ANKRD11: variants seen among roughly 807,000 people sequenced by gnomAD.
ANKRD11 encodes the protein ankyrin repeat domain-containing protein 11.
In ANKRD11, 17 loss-of-function variants were observed where a neutral mutation model predicts 195.7. The observed-to-expected ratio is 0.09, with a 90% CI of 0.06 to 0.13. The LOEUF (loss-of-function observed/expected upper bound fraction) is 0.13, where lower values mean the gene tolerates loss of function less well. Among genes scored for constraint, ANKRD11 ranks in the 10% least tolerant of loss-of-function variants. ANKRD11 has a pLI of 1.00. For synonymous variants in ANKRD11, 1,953 were observed against 1,528.1 expected (o/e 1.28, Z -6.49); for missense variants, 3,735 against 3,566.1 (o/e 1.05, Z -1.21).
intron 2 of ANKRD11, among the ~76,000 whole-genome samples, chr16:89,393,691 G>A (rs1262043725): frequency 6.6e-6 from 1 of 151,920 alleles, no homozygotes; most frequent in South Asian, 2.1e-4. Context: ...GGATTTGTAA[G>A]GGTTAGAAGG....
In ANKRD11 at chr16:89,447,642, A is replaced by G. The variant is rs143075196; in HGVS notation, c.-144-29274T>C. Among the ~76,000 whole-genome samples, 670 of 152,198 alleles carry G rather than the reference A, an allele frequency of 4.4e-3. 10 individuals are homozygous for G. The highest frequency in any genetic ancestry group is 0.015 in the African/African-American group (638 of 41,520). On this transcript the variant is annotated intron_variant, in intron 1 of 12. Transcript: ENST00000301030. ...CCACCTGTTCTCACTCCTCCTACACAGCCACCTTTGGCCCTAAGAACACTG... is the reference window on the plus strand; with the variant it reads ...CCACCTGTTCTCACTCCTCCTACACGGCCACCTTTGGCCCTAAGAACACTG...
In ANKRD11 at chr16:89,291,268, G is replaced by GC; in HGVS notation, c.227-86dup. ...CTAGGTCCTTACCTAATGTTACGGA[G>GC]CCCCCTGCGTCCACCTGACAGCTGA... On this transcript the variant is annotated intron_variant, in intron 4 of 12. Coordinates refer to ENST00000301030, the MANE Select transcript of ANKRD11 (RefSeq NM_013275.6). The surrounding 1 kb of genome is among the most constrained non-coding windows in gnomAD (Gnocchi z 5.3). 6.6e-7 allele frequency: 1 copy of GC among 1,523,614 alleles called. No homozygotes were observed. Among genetic ancestry groups the GC allele is most frequent in the Non-Finnish European group, 9.0e-7 (1 of 1,117,024 alleles). 94.4% of individuals were successfully genotyped at this position (1,523,614 alleles called of 1,614,324 possible).
chr16:89,356,725 G>A (rs1219235139), intron 2 of ANKRD11, among the ~76,000 whole-genome samples: 2 of 141,890 alleles, frequency 1.4e-5, no homozygotes, highest in African/African-American at 2.7e-5. Flanking sequence ...AGCTTGCAGT[G>A]AGCCAAGATC....
At chr16:89,273,959 C>T (rs1323121151) in intron 11 of ANKRD11, among the ~76,000 whole-genome samples, 3 of 152,170 alleles carry the variant, frequency 2.0e-5, no homozygotes, top group Non-Finnish European at 2.9e-5. Context: ...AGGCACGTCC[C>T]ACTGCACAGG....
Position 89,290,816 on chromosome 16 carries a change from G to A in ANKRD11, c.410C>T (p.Pro137Leu), listed in dbSNP as rs770324991. Residue 137 changes from proline (P) to leucine (L), a missense_variant, in exon 6 of 13, where the codon CCA becomes CTA. Pro to Leu is a moderately conservative substitution (Grantham distance 98). Transcript: ENST00000301030. ...ESANSPVDTT[P>L]KHPSQSTVCQ... is the part of the protein sequence containing the mutation. The stretch of plus-strand genomic sequence containing the variant: ...CACTGTAGACTGGGAGGGGTGCTTT[G>A]GTGTTGTGTCCACTGCAGGCCAAGG... 1 of 1,613,778 alleles carries A rather than the reference G, an allele frequency of 6.2e-7. No homozygotes were observed. Among genetic ancestry groups the A allele is most frequent in the Non-Finnish European group, 8.5e-7 (1 of 1,179,996 alleles).
rs1411109020 is a variant in ANKRD11 at position 89,284,118 on chromosome 16, A to G, written c.2424T>C (p.Tyr808=). Residue 808 remains tyrosine, a synonymous_variant, in exon 9 of 13, where the codon TAT becomes TAC. Coordinates refer to ENST00000301030, the MANE Select transcript of ANKRD11 (RefSeq NM_013275.6). Reference sequence around the variant, plus strand: ...ATTCGTCAAAAGCAGAATCTTCCCTATAAACCTTTTCTTTTTTGAGTTTTT... The same window carrying G: ...ATTCGTCAAAAGCAGAATCTTCCCTGTAAACCTTTTCTTTTTTGAGTTTTT... The part of the protein sequence containing the change: ...DKEKLKKEKV[Y]REDSAFDEYC... 3.1e-6 allele frequency: 5 copies of G among 1,611,090 alleles called. No individual in the cohort carries two copies. The highest frequency in any genetic ancestry group is 1.1e-5 in the South Asian group (1 of 89,864).
Position 89,305,214 on chromosome 16 carries a change from G to A in ANKRD11, c.218C>T (p.Ser73Leu), listed in dbSNP as rs773698267. 1.2e-5 allele frequency: 19 copies of A among 1,612,468 alleles called. No homozygotes were observed. The highest frequency in any genetic ancestry group is 2.2e-5 in the East Asian group (1 of 44,892). The change falls in exon 4 of 13, where the codon TCG (serine) becomes TTG (leucine). Residue 73 changes from serine to leucine, a missense_variant. Physicochemically the swap from Ser to Leu is moderately radical, Grantham distance 145. Coordinates refer to ENST00000301030, the MANE Select transcript of ANKRD11 (RefSeq NM_013275.6). ...TAGANGEQKDSDTEKQGPERK... is the reference protein window; with the variant it reads ...TAGANGEQKDLDTEKQGPERK... The stretch of plus-strand genomic sequence containing the variant: ...GGGCCGCGGGCTGGTACCTGTGTCC[G>A]AGTCCTTCTGCTCCCCATTGGCGCC...
chr16:89,410,876 G>A (rs903186608), intron 2 of ANKRD11, among the ~76,000 whole-genome samples: 1 of 152,116 alleles, frequency 6.6e-6, no homozygotes, highest in African/African-American at 2.4e-5. Flanking sequence ...CCACATGTGC[G>A]TGAACACGTG....
chr16:89,410,610 T>G (rs751367651), intron 2 of ANKRD11, among the ~76,000 whole-genome samples: 1 of 152,190 alleles, frequency 6.6e-6, no homozygotes, highest in Non-Finnish European at 1.5e-5. Flanking sequence ...CCTAAAGCAG[T>G]TGCTATCCTG....
chr16:89,316,925 A>C lies in ANKRD11; in HGVS notation c.87+8T>G, dbSNP rs760615661. The C allele has an allele frequency of 1.1e-5, 17 of 1,612,790 alleles. No individual in the cohort carries two copies. In the East Asian group the frequency reaches 3.6e-4, roughly 34 times the overall value. The stretch of plus-strand genomic sequence containing the variant: ...TGAGCATGCAGGGCTGGGAGGGGGC[A>C]GCATTACCTTTTTCCCAGTCTGCTT... On this transcript the variant is annotated splice_region_variant and intron_variant, in intron 3 of 12. Transcript: ENST00000301030.
chr16:89,469,109 T>A (rs1420688582), intron 1 of ANKRD11, among the ~76,000 whole-genome samples: 3 of 151,650 alleles, frequency 2.0e-5, no homozygotes, highest in Non-Finnish European at 4.4e-5. Context: ...GAAATAAGCC[T>A]GTGTCAGAGC....
rs2151736245 is a variant in ANKRD11 at position 89,280,100 on chromosome 16, C to A, written c.6442G>T (p.Ala2148Ser). The part of the protein sequence containing the change: ...LPELPLQTKD[A>S]ADGEAEPVEE... ...ACGGGTTCCGCTTCACCATCTGCGG[C>A]ATCTTTAGTCTGCAGGGGAAGCTCC... is the stretch of plus-strand genomic sequence containing the variant. The change falls in exon 9 of 13, where the codon GCC (alanine) becomes TCC (serine). Residue 2148 changes from alanine (A) to serine (S), a missense_variant. Ala to Ser is a moderately conservative substitution (Grantham distance 99). Transcript: ENST00000301030. The A allele has an allele frequency of 1.9e-6, 3 of 1,613,116 alleles. No homozygotes were observed. The East Asian group carries it at 6.7e-5, about 36-fold the overall frequency.
At position 89,281,393 on chromosome 16, in the gene ANKRD11, C is replaced by T. The variant is rs1376928647; in HGVS notation, c.5149G>A (p.Glu1717Lys). 1 of 1,609,152 alleles carries T rather than the reference C, an allele frequency of 6.2e-7. No homozygotes were observed. Among genetic ancestry groups the T allele is most frequent in the South Asian group, 1.1e-5 (1 of 90,900 alleles). Residue 1717 changes from glutamate (E) to lysine (K), a missense_variant, in exon 9 of 13, where the codon GAG (glutamate) becomes AAG (lysine). Coordinates refer to ENST00000301030, the MANE Select transcript of ANKRD11 (RefSeq NM_013275.6). The surrounding 1 kb of genome is among the most constrained non-coding windows in gnomAD (Gnocchi z 5.5). The stretch of plus-strand genomic sequence containing the variant: ...GGGGTCCTGGGCGTGTGCATCACCT[C>T]CTCGTAGCTGGGGCAGGATAGCACC... Reference protein sequence around the residue: ...TSVLSCPSYEEVMHTPRTPSC... With the variant: ...TSVLSCPSYEKVMHTPRTPSC...
intron 7 of ANKRD11, chr16:89,287,518 T>G: frequency 5.2e-6 from 1 of 193,566 alleles, no homozygotes; most frequent in Non-Finnish European, 1.1e-5. Flanking sequence ...CCCATCACCC[T>G]CCAGGGCCAT....
At chr16:89,286,593 C>G in intron 7 of ANKRD11, 1 of 1,111,976 alleles carries the variant, frequency 9.0e-7, no homozygotes, top group Non-Finnish European at 1.1e-6. Context: ...AGGGCTCAGG[C>G]AAGAGGTTAG....
At chr16:89,367,402 A>G (rs375346368) in intron 2 of ANKRD11, among the ~76,000 whole-genome samples, 5 of 152,130 alleles carry the variant, frequency 3.3e-5, no homozygotes, top group African/African-American at 9.7e-5. Context: ...GGGATGCTCA[A>G]CGCAACCTTA....
At chr16:89,486,984 G>A (rs1380095350) in intron 1 of ANKRD11, among the ~76,000 whole-genome samples, 1 of 150,842 alleles carries the variant, frequency 6.6e-6, no homozygotes, top group Non-Finnish European at 1.5e-5. Flanking sequence ...ACTCCAGCCT[G>A]GGCAACAAAG....
intron 12 of ANKRD11, chr16:89,270,423 G>C (rs773317598): frequency 5.6e-6 from 2 of 354,060 alleles, no homozygotes; most frequent in Non-Finnish European, 1.1e-5. Context: ...CGGGATAAGG[G>C]TGTGCTGCCC....
chr16:89,407,915 C>T (rs551484336), intron 2 of ANKRD11, among the ~76,000 whole-genome samples: 2 of 148,776 alleles, frequency 1.3e-5, no homozygotes, highest in African/African-American at 4.9e-5. Flanking sequence ...CATAGTAAAA[C>T]TCAGTCTTCC....
Sources: gnomAD v4.1 joint callset for allele counts (sites outside exome capture counted in the v4.1 genomes callset) on GRCh38, gnomAD v4.1.1 for gene constraint, Gnocchi (gnomAD v3.1) non-coding constraint, MANE v1.5 for transcripts, NCBI Gene and HGNC (gene_info 2026-07-23, HGNC 2026-07-21) for gene names.